DPH6: variants seen among roughly 807,000 people sequenced by gnomAD.
DPH6 encodes the protein diphthamine biosynthesis 6.
In DPH6, 33 loss-of-function variants were observed where a neutral mutation model predicts 38.2. The ratio of observed to expected loss-of-function variants is 0.86; its 90% CI spans 0.65 to 1.15. DPH6 has a LOEUF of 1.15. DPH6 is among the 50% of genes most tolerant of loss of function. The pLI, the probability that DPH6 is intolerant of heterozygous loss-of-function variation, is 0.00. For missense variants in DPH6, 325 were observed against 320.0 expected (o/e 1.02, Z -0.12); for synonymous variants, 108 against 103.0 (o/e 1.05, Z -0.30).
downstream of DPH6, among the ~76,000 whole-genome samples, chr15:35,330,277 T>C (rs1014628080): frequency 2.6e-5 from 4 of 152,172 alleles, no homozygotes; most frequent in Admixed American, 2.0e-4. Flanking sequence ...TGAACAAGAA[T>C]ACAAGCCTAC....
At chr15:35,183,024 CTG>C in the DPH6 span, among the ~76,000 whole-genome samples, 2 of 152,170 alleles carry the variant, frequency 1.3e-5, no homozygotes, top group East Asian at 3.8e-4. Context: ...AGAACTGAAA[CTG>C]AGAACTCTAG....
chr15:35,402,925 A>G (rs1255137897), intron 6 of DPH6, among the ~76,000 whole-genome samples: 2 of 152,098 alleles, frequency 1.3e-5, no homozygotes, highest in African/African-American at 4.8e-5. Context: ...TTATGCATAT[A>G]TCATAAGTAA....
rs996811122 is a variant in DPH6, at chr15:35,278,483, T to G, written n.201-57901A>C. Among the ~76,000 whole-genome samples the G allele has an allele frequency of 5.9e-5, 9 of 152,338 alleles. No homozygotes were observed. In the South Asian group the frequency reaches 8.3e-4, roughly 14 times the overall value. On this transcript the variant is annotated intron_variant and non_coding_transcript_variant, in intron 3 of 3. Transcript: ENST00000560386. ...AGCCCCCGCAGAGAGGCTCTACTAG[T>G]AGGGCAGCACCAAGGGGACGTGTGA...
intron 5 of DPH6, among the ~76,000 whole-genome samples, chr15:35,412,573 A>G (rs1461481010): frequency 1.3e-5 from 2 of 151,770 alleles, no homozygotes; most frequent in Non-Finnish European, 3.0e-5. Flanking sequence ...AATCTGGAGC[A>G]CCAAAATGTA....
At chr15:35,400,652 C>A (rs546383292) in intron 6 of DPH6, 5 of 584,510 alleles carry the variant, frequency 8.6e-6, no homozygotes, top group Non-Finnish European at 1.6e-5. Flanking sequence ...TGGATGCCAC[C>A]GAGGAAGCAT....
intron 5 of DPH6, among the ~76,000 whole-genome samples, chr15:35,434,872 C>T (rs2141041203): frequency 6.6e-6 from 1 of 152,138 alleles, no homozygotes; most frequent in South Asian, 2.1e-4. Context: ...CTCCCAGGCT[C>T]AAGTGATCCT....
intron 3 of DPH6, among the ~76,000 whole-genome samples, chr15:35,494,821 CAATA>C (rs2054528092): frequency 6.6e-6 from 1 of 151,234 alleles, no homozygotes; most frequent in Non-Finnish European, 1.5e-5. Flanking sequence ...AACAAATGAA[CAATA>C]AATGAGTTAC....
At chr15:35,513,625 T>A (rs1188154622) in intron 3 of DPH6, among the ~76,000 whole-genome samples, 1 of 151,964 alleles carries the variant, frequency 6.6e-6, no homozygotes, top group Non-Finnish European at 1.5e-5. Context: ...CACCACTTAG[T>A]CTTAGGAGGC....
At chr15:35,257,824 A>G (rs1311688924) in intron 3 of DPH6, among the ~76,000 whole-genome samples, 1 of 148,484 alleles carries the variant, frequency 6.7e-6, no homozygotes, top group Non-Finnish European at 1.5e-5. Flanking sequence ...TATCATTACA[A>G]TGCATAGTAA....
intron 3 of DPH6, among the ~76,000 whole-genome samples, chr15:35,245,308 G>T (rs188908075): frequency 7.2e-6 from 1 of 138,154 alleles, no homozygotes; most frequent in Non-Finnish European, 1.5e-5. Flanking sequence ...GTGCCATCTC[G>T]GCTCACTGCA....
chr15:35,311,983 C>A, intron 3 of DPH6, among the ~76,000 whole-genome samples: 1 of 112,942 alleles, frequency 8.9e-6, no homozygotes, highest in Non-Finnish European at 1.7e-5. Context: ...TTTAATGATA[C>A]AGAGTCTGAA....
chr15:35,543,701 C>G (rs1236713509), intron 1 of DPH6, among the ~76,000 whole-genome samples: 2 of 152,096 alleles, frequency 1.3e-5, no homozygotes, highest in Non-Finnish European at 2.9e-5. Context: ...TAACAACTCT[C>G]ATTCCAAAAC....
intron 3 of DPH6, among the ~76,000 whole-genome samples, chr15:35,244,872 G>A (rs2051625188): frequency 6.6e-6 from 1 of 152,072 alleles, no homozygotes; most frequent in Non-Finnish European, 1.5e-5. Flanking sequence ...AAACTTTTTG[G>A]AATTTGATTT....
chr15:35,427,294 T>A (rs1416259175), intron 5 of DPH6, among the ~76,000 whole-genome samples: 2 of 151,888 alleles, frequency 1.3e-5, no homozygotes, highest in African/African-American at 4.8e-5. Context: ...ATAGAGCAAC[T>A]TGAGAAATTC....
intron 5 of DPH6, among the ~76,000 whole-genome samples, chr15:35,414,561 T>G (rs890938902): frequency 1.3e-5 from 2 of 151,876 alleles, no homozygotes; most frequent in African/African-American, 4.8e-5. Context: ...CATTTTCAGC[T>G]ATTACATCTG....
intron 3 of DPH6, among the ~76,000 whole-genome samples, chr15:35,363,197 T>C (rs968310061): frequency 1.3e-5 from 2 of 152,158 alleles, no homozygotes; most frequent in Non-Finnish European, 2.9e-5. Context: ...CTTGATGATT[T>C]TGTCTGTTTT....
At chr15:35,159,222 T>C in the DPH6 span, among the ~76,000 whole-genome samples, 3 of 152,082 alleles carry the variant, frequency 2.0e-5, no homozygotes, top group Non-Finnish European at 4.4e-5. Context: ...TCTACCTCCA[T>C]GTACTCTGCG....
chr15:35,509,297 C>T (rs1055577358), intron 3 of DPH6, among the ~76,000 whole-genome samples: 1 of 152,106 alleles, frequency 6.6e-6, no homozygotes, highest in Non-Finnish European at 1.5e-5. Flanking sequence ...ACCTAAATTT[C>T]TTCAGCATTG....
chr15:35,185,899 A>AT, the DPH6 span, among the ~76,000 whole-genome samples: 6 of 150,830 alleles, frequency 4.0e-5, no homozygotes, highest in Non-Finnish European at 7.4e-5. Context: ...CGCCCGGCTA[A>AT]TTTTTTTTGT....
Sources: allele counts gnomAD v4.1 joint callset (sites outside exome capture counted in the v4.1 genomes callset), GRCh38; gene constraint gnomAD v4.1.1; transcripts MANE v1.5; gene names NCBI Gene and HGNC (gene_info 2026-07-23, HGNC 2026-07-21).